Variants in ASPM observed in about 807,000 individuals in gnomAD.
ASPM encodes assembly factor for spindle microtubules.
ASPM carries 256 observed loss-of-function variants against 366.4 expected under a neutral mutation model. The ratio of observed to expected loss-of-function variants is 0.70; its 90% CI spans 0.63 to 0.77. ASPM has a LOEUF of 0.77. ASPM is among the 30% of genes least tolerant of loss of function. The pLI, the probability that ASPM is intolerant of heterozygous loss-of-function variation, is 0.00. For synonymous variants in ASPM, 1,414 were observed against 1,342.9 expected (o/e 1.05, Z -1.16); for missense variants, 4,146 against 4,090.4 (o/e 1.01, Z -0.37).
At chr1:197,110,198 A>G (rs1258396855) in intron 17 of ASPM, among the ~76,000 whole-genome samples, 2 of 152,122 alleles carry the variant, frequency 1.3e-5, no homozygotes, top group East Asian at 3.9e-4. Flanking sequence ...TAATCAAGAA[A>G]CTGTGGTATT....
At chr1:197,146,059 G>C in intron 1 of ASPM, 82 bp downstream of exon 1, 1 of 1,559,520 alleles carries the variant, frequency 6.4e-7, no homozygotes, top group Non-Finnish European at 8.8e-7. Flanking sequence ...TTCTCCAATC[G>C]TCAACCTTCC....
chr1:197,139,153 T>A, intron 4 of ASPM: 1 of 926,104 alleles, frequency 1.1e-6, no homozygotes. Context: ...TTTTCCACAT[T>A]GGTACAAAGA....
chr1:197,122,614 A>C lies in ASPM; in HGVS notation c.3391-19T>G. The C allele has an allele frequency of 1.3e-6, 2 of 1,571,262 alleles. No homozygotes were observed. The highest frequency in any genetic ancestry group is 1.7e-6 in the Non-Finnish European group (2 of 1,152,638). On this transcript the variant is annotated intron_variant, in intron 13 of 27. Transcript: ENST00000367409. ...TCTCCACCTGATTGAAAATGCCAGAAAAACAATTAACCGCATTTAGAAAGT... is the reference window on the plus strand; with the variant it reads ...TCTCCACCTGATTGAAAATGCCAGACAAACAATTAACCGCATTTAGAAAGT...
At position 197,104,728 on chromosome 1, in the gene ASPM, T is replaced by G. The variant is rs1273503852; in HGVS notation, c.4523A>C (p.Lys1508Thr). Reference protein sequence around the residue: ...FRCFQAQKLYKRRKESILTIQ... With the variant: ...FRCFQAQKLYTRRKESILTIQ... ...GGTTAGTATGGACTCTTTTCTTCTT[T>G]TATATAACTTTTGGGCTTGAAAGCA... Residue 1508 changes from lysine to threonine, a missense_variant, in exon 18 of 28, where the codon AAA becomes ACA. By Grantham distance (78) the Lys-to-Thr change is moderately conservative. This residue lies in a region of ASPM where 3,624 missense variants were observed against 3,591.7 expected (regional missense o/e 1.01). Coordinates refer to ENST00000367409, the MANE Select transcript of ASPM (RefSeq NM_018136.5). The G allele has an allele frequency of 6.2e-7, 1 of 1,608,856 alleles. No homozygotes were observed. The highest frequency in any genetic ancestry group is 2.2e-5 in the East Asian group (1 of 44,804).
In ASPM at chr1:197,135,389, C is replaced by A. The variant is rs1658386524; in HGVS notation, c.2027-147G>T. 2.1e-5 allele frequency: 17 copies of A among 826,214 alleles called. No homozygotes were observed. The South Asian group carries it at 2.6e-4, about 13-fold the overall frequency. The allele number at this position is 826,214 out of a possible 1,614,324, so 51.2% of individuals were successfully genotyped here. A position where few individuals can be genotyped will look rare whatever the true frequency, so the allele number is the denominator to read the frequency against. ...ACTACTTGCAGGAAAGAGCTGAAAG[C>A]ATTTTGGGTAAGAAATGTAATCAGA... is the stretch of plus-strand genomic sequence containing the variant. On this transcript the variant is annotated intron_variant, in intron 4 of 27. Coordinates refer to ENST00000367409, the MANE Select transcript of ASPM (RefSeq NM_018136.5).
intron 16 of ASPM, among the ~76,000 whole-genome samples, chr1:197,121,121 CTTGTT>C (rs1363794499): frequency 2.0e-5 from 3 of 151,942 alleles, no homozygotes; most frequent in African/African-American, 7.3e-5. Flanking sequence ...GGCATGGATG[CTTGTT>C]TTATTTTATT....
intron 16 of ASPM, 74 bp downstream of exon 16, chr1:197,121,841 C>A: frequency 6.7e-7 from 1 of 1,493,916 alleles, no homozygotes; most frequent in South Asian, 1.1e-5. Context: ...AATGTAAAAT[C>A]ATATCAAAAA....
Position 197,100,639 on chromosome 1 carries a change from C to T in ASPM, c.8612G>A (p.Arg2871Lys), listed in dbSNP as rs749128025. The T allele has an allele frequency of 1.5e-5, 24 of 1,612,132 alleles. No homozygotes were observed. Among genetic ancestry groups the T allele is most frequent in the Admixed American group, 3.3e-5 (2 of 59,712 alleles). Residue 2871 changes from arginine (R) to lysine (K), a missense_variant, in exon 18 of 28, where the codon AGG becomes AAG. Transcript: ENST00000367409. ...AAACTGTTTTCTGGTTTGCCACGTC[C>T]TAAAATAATGCTGTAAAGTGATAGC... is the stretch of plus-strand genomic sequence containing the variant. ...RAAITLQHYFRTWQTRKQFLL... is the reference protein window; with the variant it reads ...RAAITLQHYFKTWQTRKQFLL...
Position 197,146,566 on chromosome 1 carries a change from G to A in ASPM, c.-129C>T. On this transcript the variant is annotated 5_prime_UTR_variant, in exon 1 of 28. Coordinates refer to ENST00000367409, the MANE Select transcript of ASPM (RefSeq NM_018136.5). Reference sequence around the variant, plus strand: ...TGTAGAGGTCGTGGGAGTGAATTCGGCCCTTTTTCTTTTCCACTAACCTAC... The same window carrying A: ...TGTAGAGGTCGTGGGAGTGAATTCGACCCTTTTTCTTTTCCACTAACCTAC... The A allele has an allele frequency of 1.0e-6, 1 of 1,000,598 alleles. No individual in the cohort carries two copies. Among genetic ancestry groups the A allele is most frequent in the Non-Finnish European group, 1.5e-6 (1 of 668,680 alleles). 62.0% of individuals were successfully genotyped at this position (1,000,598 alleles called of 1,614,324 possible). A position where few individuals can be genotyped will look rare whatever the true frequency, so the allele number is the denominator to read the frequency against.
intron 17 of ASPM, among the ~76,000 whole-genome samples, chr1:197,105,907 T>TAAA (rs1001274771): frequency 6.6e-6 from 1 of 151,990 alleles, no homozygotes; most frequent in African/African-American, 2.4e-5. Flanking sequence ...TGCTGGTATC[T>TAAA]AAAATGGTCC....
Position 197,088,042 on chromosome 1 carries a change from T to C in ASPM, c.10161+214A>G, listed in dbSNP as rs183282274. Among the ~76,000 whole-genome samples the C allele has an allele frequency of 1.6e-3, 246 of 152,326 alleles. 2 individuals are homozygous for C. Among genetic ancestry groups the C allele is most frequent in the African/African-American group, 5.7e-3 (235 of 41,584 alleles). ...TGGGAAATGGTTACTTATATGGCTG[T>C]AATAAATTTATTTTCAGAATTCAGT... On this transcript the variant is annotated intron_variant, in intron 26 of 27. Coordinates refer to ENST00000367409, the MANE Select transcript of ASPM (RefSeq NM_018136.5).
chr1:197,122,114 G>A (rs369649178), intron 15 of ASPM, 45 bp downstream of exon 15: 4 of 1,597,290 alleles, frequency 2.5e-6, no homozygotes, highest in African/African-American at 1.3e-5. Context: ...CATCTTCTGA[G>A]ACTTTATTAT....
intron 17 of ASPM, among the ~76,000 whole-genome samples, chr1:197,109,677 G>A (rs562621647): frequency 6.6e-6 from 1 of 151,934 alleles, no homozygotes; most frequent in South Asian, 2.1e-4. Context: ...CAGACAACAC[G>A]ACTATGTAGA....
chr1:197,124,019 T>A (rs1266779071), intron 13 of ASPM, 91 bp downstream of exon 13: 1 of 1,133,380 alleles, frequency 8.8e-7, no homozygotes, highest in East Asian at 2.5e-5. Flanking sequence ...ACTAAGAAAT[T>A]CAAGAAAAGA....
intron 21 of ASPM, among the ~76,000 whole-genome samples, chr1:197,092,686 T>C (rs1656820692): frequency 6.6e-6 from 1 of 152,024 alleles, no homozygotes; most frequent in Non-Finnish European, 1.5e-5. Flanking sequence ...ACAGGAATGC[T>C]GGTTGCAACA....
Position 197,091,907 on chromosome 1 carries a change from C to G in ASPM, c.9444G>C (p.Gln3148His). 6.2e-7 allele frequency: 1 copy of G among 1,609,666 alleles called. No individual in the cohort carries two copies. Among genetic ancestry groups the G allele is most frequent in the Non-Finnish European group, 8.5e-7 (1 of 1,178,196 alleles). Residue 3148 changes from glutamine to histidine, a missense_variant and splice_region_variant, in exon 22 of 28, where the codon CAG becomes CAC. Transcript: ENST00000367409. Reference protein sequence around the residue: ...NKQVNSVICIQRWFRARLQEK... With the variant: ...NKQVNSVICIHRWFRARLQEK... ...GTTTTACTGCAAAGAAGAAGCAAAC[C>G]TGAATACAGATGACTGAATTAACCT...
intron 17 of ASPM, among the ~76,000 whole-genome samples, chr1:197,113,990 G>A (rs909808671): frequency 2.0e-5 from 3 of 151,988 alleles, no homozygotes; most frequent in Non-Finnish European, 2.9e-5. Context: ...ACACCTGGTG[G>A]GTTTTAAATC....
chr1:197,128,706 T>C (rs1296110404), intron 9 of ASPM, 41 bp from the exon 10 acceptor site: 2 of 1,472,112 alleles, frequency 1.4e-6, no homozygotes, highest in East Asian at 2.5e-5. Context: ...TCCAATATTA[T>C]AATTTTGCTT....
chr1:197,136,084 G>A (rs1658411341), intron 4 of ASPM, among the ~76,000 whole-genome samples: 1 of 152,184 alleles, frequency 6.6e-6, no homozygotes, highest in African/African-American at 2.4e-5. Context: ...GTAGGCAGTG[G>A]ATTATGTATT....
Sources: allele counts gnomAD v4.1 joint callset (sites outside exome capture counted in the v4.1 genomes callset), GRCh38; gene constraint gnomAD v4.1.1; regional missense constraint gnomAD v4.1.1; transcripts MANE v1.5; gene names NCBI Gene and HGNC (gene_info 2026-07-23, HGNC 2026-07-21).